SH3PXD2B: variants seen among roughly 807,000 people sequenced by gnomAD.
SH3PXD2B encodes the protein SH3 and PX domain-containing protein 2B.
SH3PXD2B carries 37 observed loss-of-function variants against 73.1 expected under a neutral mutation model. The ratio of observed to expected loss-of-function variants is 0.51; its 90% confidence interval spans 0.39 to 0.67. SH3PXD2B has a LOEUF of 0.67. SH3PXD2B is among the 30% of genes least tolerant of loss of function. The pLI, the probability that SH3PXD2B is intolerant of heterozygous loss-of-function variation, is 0.00. For synonymous variants in SH3PXD2B, 457 were observed against 480.5 expected, an observed-to-expected ratio of 0.95 and a Z score of 0.64; for missense variants, 1,053 against 1,197.8, an observed-to-expected ratio of 0.88 and a Z score of 1.78.
At chr5:172,368,740 ATG>A (rs1276694291) in intron 6 of SH3PXD2B, among the ~76,000 whole-genome samples, 4 of 102,832 alleles carry the variant, frequency 3.9e-5, no homozygotes, top group African/African-American at 1.6e-4. Flanking sequence ...TATTTAATAT[ATG>A]TAATATATAT....
At chr5:172,343,697 T>C (rs1487587524) in intron 12 of SH3PXD2B, among the ~76,000 whole-genome samples, 2 of 151,626 alleles carry the variant, frequency 1.3e-5, no homozygotes, top group African/African-American at 4.9e-5. Flanking sequence ...CCCAGCTACT[T>C]GGGAGGCTGA....
intron 2 of SH3PXD2B, 56 bp from the exon 3 acceptor site, chr5:172,406,408 T>C (rs369334782): frequency 1.9e-5 from 29 of 1,560,410 alleles, no homozygotes; most frequent in Middle Eastern, 3.3e-4. Context: ...CTAAACATCA[T>C]CTAGGACATT....
chr5:172,341,031 G>C (rs1419980165), intron 12 of SH3PXD2B, among the ~76,000 whole-genome samples: 1 of 152,232 alleles, frequency 6.6e-6, no homozygotes, highest in Non-Finnish European at 1.5e-5. Flanking sequence ...ATACACGCCT[G>C]TTGGCTGGAA....
chr5:172,435,573 C>A (rs1325103385), intron 1 of SH3PXD2B, among the ~76,000 whole-genome samples: 1 of 152,126 alleles, frequency 6.6e-6, no homozygotes, highest in African/African-American at 2.4e-5. Flanking sequence ...CAGGCATGCA[C>A]CACCATGCCT....
chr5:172,381,954 C>T, intron 5 of SH3PXD2B, 82 bp downstream of exon 5: 1 of 1,135,636 alleles, frequency 8.8e-7, no homozygotes, highest in Non-Finnish European at 1.3e-6. Flanking sequence ...TTTGGCTGCA[C>T]TTTGCTTTAC....
chr5:172,434,047 A>G (rs1759313225), intron 1 of SH3PXD2B, among the ~76,000 whole-genome samples: 1 of 151,966 alleles, frequency 6.6e-6, no homozygotes, highest in African/African-American at 2.4e-5. Flanking sequence ...AAGTGCTAAC[A>G]ATCAATAGCA....
intron 12 of SH3PXD2B, chr5:172,325,498 A>G: frequency 1.6e-6 from 1 of 644,054 alleles, no homozygotes; most frequent in Non-Finnish European, 2.7e-6. Flanking sequence ...TGAGTAATTT[A>G]TAAAGAACAG....
At chr5:172,439,251 G>GAAAAAA (rs1240619268) in intron 1 of SH3PXD2B, among the ~76,000 whole-genome samples, 1 of 35,242 alleles carries the variant, frequency 2.8e-5, no homozygotes. Flanking sequence ...AAAAAAAAAA[G>GAAAAAA]AAAAAAAAAA....
intron 1 of SH3PXD2B, among the ~76,000 whole-genome samples, chr5:172,437,092 C>G (rs1759408143): frequency 6.6e-6 from 1 of 152,120 alleles, no homozygotes; most frequent in Non-Finnish European, 1.5e-5. Context: ...AATATGCTGT[C>G]TTGGTCACAC....
rs1424452552 is a variant in SH3PXD2B, at chr5:172,402,617, G to A, written c.232+3660C>T. 3.9e-5 allele frequency among the ~76,000 whole-genome samples: 6 copies of A among 152,166 alleles called. No homozygotes were observed. The East Asian group carries it at 9.7e-4, about 25-fold the overall frequency. Reference sequence around the variant, plus strand: ...TTTCCCTTTATTTCTCAGACCAGCCGACACTTAGGGAAAATAGAAAAGGAC... The same window carrying A: ...TTTCCCTTTATTTCTCAGACCAGCCAACACTTAGGGAAAATAGAAAAGGAC... On this transcript the variant is annotated intron_variant, in intron 3 of 12. Coordinates refer to ENST00000311601, the MANE Select transcript of SH3PXD2B (RefSeq NM_001017995.3).
chr5:172,326,741 T>C (rs1481291893), intron 12 of SH3PXD2B, among the ~76,000 whole-genome samples: 1 of 152,212 alleles, frequency 6.6e-6, no homozygotes, highest in Non-Finnish European at 1.5e-5. Flanking sequence ...GTTACGTAAA[T>C]ACTTGTGTAA....
intron 1 of SH3PXD2B, among the ~76,000 whole-genome samples, chr5:172,434,782 G>GTTTTTTTTTTTTTGGGT (rs747705663): frequency 1.5e-5 from 1 of 66,350 alleles, no homozygotes; most frequent in African/African-American, 4.6e-5. Context: ...ATGGCCAATG[G>GTTTTTTTTTTTTTGGGT]TTTTTTTTTT....
At chr5:172,418,520 G>A (rs77964124) in intron 2 of SH3PXD2B, among the ~76,000 whole-genome samples, 4,236 of 152,264 alleles carry the variant, frequency 0.028, 213 homozygotes, top group African/African-American at 0.097. Flanking sequence ...GAAAATACCA[G>A]GGCTGCTTGC....
At chr5:172,439,861 G>A (rs1170344923) in intron 1 of SH3PXD2B, among the ~76,000 whole-genome samples, 1 of 152,096 alleles carries the variant, frequency 6.6e-6, no homozygotes, top group Non-Finnish European at 1.5e-5. Flanking sequence ...CTGGGCTGGT[G>A]GAAACACTCG....
chr5:172,356,901 TC>T (rs1340585766), intron 8 of SH3PXD2B: 2 of 152,278 alleles, frequency 1.3e-5, no homozygotes, highest in African/African-American at 4.8e-5. Context: ...CTGAGTCTAA[TC>T]CAAGCCCCAG....
chr5:172,369,508 G>A (rs767561896), intron 6 of SH3PXD2B, among the ~76,000 whole-genome samples: 1 of 152,002 alleles, frequency 6.6e-6, no homozygotes, highest in Non-Finnish European at 1.5e-5. Flanking sequence ...AGTGGCTCAC[G>A]CCTGTAATCC....
At chr5:172,418,161 C>T (rs895846711) in intron 2 of SH3PXD2B, among the ~76,000 whole-genome samples, 3 of 152,196 alleles carry the variant, frequency 2.0e-5, no homozygotes, top group Admixed American at 6.5e-5. Context: ...TGTGTGACTT[C>T]GGGCGAACCA....
rs766920772 is a variant in SH3PXD2B, at chr5:172,338,618, G to A, written c.2487C>T (p.Thr829=). The A allele has an allele frequency of 9.3e-6, 15 of 1,613,942 alleles. No homozygotes were observed. In the Admixed American group the frequency reaches 1.3e-4, roughly 14 times the overall value. ...TCTCCCTGTTTTCTCCAATCTTGCC[G>A]GTCCCCCATGGCCCCAGGCTGCCTT... ...RGKGSLGPWG[T]GKIGENREKA... The change falls in exon 13 of 13, where the codon ACC becomes ACT. Residue 829 remains threonine, a synonymous_variant. Coordinates refer to ENST00000311601, the MANE Select transcript of SH3PXD2B (RefSeq NM_001017995.3). This position sits in a 1 kb window ranked among gnomAD's most constrained non-coding sequence, Gnocchi z 5.1.
intron 6 of SH3PXD2B, among the ~76,000 whole-genome samples, chr5:172,366,691 G>A (rs992702260): frequency 1.3e-5 from 2 of 151,648 alleles, no homozygotes; most frequent in African/African-American, 4.9e-5. Context: ...GAAGTGCAGC[G>A]GTGCAATCTC....
Sources: gnomAD v4.1 joint callset for allele counts (sites outside exome capture counted in the v4.1 genomes callset) on GRCh38, gnomAD v4.1.1 for gene constraint, Gnocchi (gnomAD v3.1) non-coding constraint, MANE v1.5 for transcripts, NCBI Gene and HGNC (gene_info 2026-07-23, HGNC 2026-07-21) for gene names.